The following ZPBP variants were observed in gnomAD, a reference collection of about 807,000 sequenced individuals.
ZPBP encodes the protein zona pellucida-binding protein 1.
A neutral mutation model predicts 44.8 loss-of-function variants in ZPBP; 26 were observed. The observed-to-expected ratio is 0.58, with a 90% confidence interval of 0.43 to 0.81. ZPBP has a LOEUF of 0.81. Among genes scored for constraint, ZPBP ranks in the 30% least tolerant of loss-of-function variants. ZPBP has a pLI of 0.00. For synonymous variants in ZPBP, 174 were observed against 153.2 expected (o/e 1.14, Z -1.00); for missense variants, 409 against 434.0 (o/e 0.94, Z 0.51).
At chr7:49,843,359 C>T in the ZPBP span, among the ~76,000 whole-genome samples, 6 of 152,090 alleles carry the variant, frequency 3.9e-5, no homozygotes, top group Admixed American at 6.6e-5. Flanking sequence ...ATCTCCCAAG[C>T]GAAGAGGAGA....
chr7:50,052,321 A>G (rs1361817648), intron 4 of ZPBP, among the ~76,000 whole-genome samples: 1 of 152,214 alleles, frequency 6.6e-6, no homozygotes. Context: ...AAGAGGATGT[A>G]CAGATGGCAA....
intron 1 of ZPBP, among the ~76,000 whole-genome samples, chr7:50,092,559 T>A (rs563694048): frequency 2.0e-5 from 3 of 152,368 alleles, no homozygotes; most frequent in East Asian, 3.9e-4. Context: ...TGTTTGTTCA[T>A]CAGTATCTTA....
At chr7:50,020,274 A>G (rs1799025862) in intron 5 of ZPBP, among the ~76,000 whole-genome samples, 2 of 152,110 alleles carry the variant, frequency 1.3e-5, no homozygotes, top group Admixed American at 6.6e-5. Context: ...GAATCTTTAT[A>G]CAAGTTTAAG....
At chr7:50,087,580 G>A (rs6947576) in intron 2 of ZPBP, among the ~76,000 whole-genome samples, 126,004 of 151,888 alleles carry the variant, frequency 0.83, 52,304 homozygotes, top group East Asian at 0.88. Flanking sequence ...AACTTATATC[G>A]GTTTTACACA....
At chr7:50,019,966 T>G (rs953522098) in intron 5 of ZPBP, among the ~76,000 whole-genome samples, 2 of 151,712 alleles carry the variant, frequency 1.3e-5, no homozygotes, top group Admixed American at 1.3e-4. Flanking sequence ...TTTTATCGCT[T>G]GAACCTGGAA....
At chr7:49,867,204 C>T (rs537236234) in intron 2 of ZPBP, among the ~76,000 whole-genome samples, 15 of 152,278 alleles carry the variant, frequency 9.9e-5, no homozygotes, top group Admixed American at 1.3e-4. Flanking sequence ...CTAAAGAGAT[C>T]GAAACTTTGT....
chr7:50,057,052 G>C (rs977809862), intron 4 of ZPBP, among the ~76,000 whole-genome samples: 1 of 152,036 alleles, frequency 6.6e-6, no homozygotes. Flanking sequence ...AGGCGTGGTG[G>C]CACGTGCCTG....
In ZPBP at chr7:49,863,225, C is replaced by T. The variant is rs543239640; in HGVS notation, n.510-12711G>A. 4.6e-5 allele frequency among the ~76,000 whole-genome samples: 7 copies of T among 152,162 alleles called. No homozygotes were observed. In the South Asian group the frequency reaches 1.2e-3, roughly 27 times the overall value. ...TGTTTCTAGGAATTTGTCCATTTCA[C>T]GTAGTTTATCTAATTTGTTGGAGTA... is the stretch of plus-strand genomic sequence containing the variant. On this transcript the variant is annotated intron_variant and non_coding_transcript_variant, in intron 2 of 2. Transcript: ENST00000465922.
At position 50,046,355 on chromosome 7, in the gene ZPBP, C is replaced by G. The variant is rs1043865309; in HGVS notation, c.487+11634G>C. Reference sequence around the variant, plus strand: ...CAAAATAAACTATCATCAGAGTGAACAGGCAACCTACAGAATGGGGGAAAA... The same window carrying G: ...CAAAATAAACTATCATCAGAGTGAAGAGGCAACCTACAGAATGGGGGAAAA... On this transcript the variant is annotated intron_variant, in intron 4 of 7. Coordinates refer to ENST00000046087, the MANE Select transcript of ZPBP (RefSeq NM_007009.3). Among the ~76,000 whole-genome samples the G allele has an allele frequency of 1.1e-4, 16 of 151,908 alleles. 1 individual carries two copies. Among genetic ancestry groups the G allele is most frequent in the Admixed American group, 1.0e-3 (16 of 15,250 alleles).
intron 4 of ZPBP, among the ~76,000 whole-genome samples, chr7:50,042,254 G>A (rs192751276): frequency 5.5e-4 from 84 of 152,174 alleles, no homozygotes; most frequent in Admixed American, 9.8e-4. Flanking sequence ...CACTCTACAG[G>A]GATATTATCC....
intron 2 of ZPBP, among the ~76,000 whole-genome samples, chr7:49,859,920 TATAA>T (rs1365837786): frequency 6.6e-6 from 1 of 151,940 alleles, no homozygotes; most frequent in Non-Finnish European, 1.5e-5. Context: ...TCTATCTAGA[TATAA>T]ATAAATAAAC....
intron 3 of ZPBP, among the ~76,000 whole-genome samples, chr7:50,076,227 T>C (rs1802071403): frequency 6.6e-6 from 1 of 151,860 alleles, no homozygotes; most frequent in Non-Finnish European, 1.5e-5. Context: ...CATCCCTTCA[T>C]GATAAGAACC....
intron 2 of ZPBP, among the ~76,000 whole-genome samples, chr7:49,886,282 T>C (rs937819617): frequency 2.0e-5 from 3 of 152,224 alleles, no homozygotes; most frequent in African/African-American, 4.8e-5. Flanking sequence ...TCCTTGAATA[T>C]GCAGACAATA....
chr7:50,081,762 A>G lies in ZPBP; in HGVS notation c.334+12T>C. 6.2e-7 allele frequency: 1 copy of G among 1,610,492 alleles called. No individual in the cohort carries two copies. The highest frequency in any genetic ancestry group is 2.2e-5 in the East Asian group (1 of 44,720). On this transcript the variant is annotated intron_variant, in intron 3 of 7. Coordinates refer to ENST00000046087, the MANE Select transcript of ZPBP (RefSeq NM_007009.3). ...CATTTATTTAATTACAATAATTGAA[A>G]CAAAATCCTACCTGAAACAACTTTT...
intron 2 of ZPBP, among the ~76,000 whole-genome samples, chr7:49,860,883 C>T (rs1251202909): frequency 6.6e-6 from 1 of 152,164 alleles, no homozygotes; most frequent in Non-Finnish European, 1.5e-5. Context: ...CATCTGCGAG[C>T]CAAGGGGAGA....
At chr7:49,855,080 A>G (rs1177438244) in intron 2 of ZPBP, among the ~76,000 whole-genome samples, 2 of 152,058 alleles carry the variant, frequency 1.3e-5, no homozygotes, top group African/African-American at 4.8e-5. Flanking sequence ...AAAAATAAAT[A>G]TTTTCCTTGG....
intron 2 of ZPBP, among the ~76,000 whole-genome samples, chr7:49,879,789 A>G (rs1459381129): frequency 6.6e-6 from 1 of 152,022 alleles, no homozygotes. Flanking sequence ...TTTTATTCTT[A>G]TAATTTTAGG....
Position 49,937,508 on chromosome 7 carries a change from G to A in ZPBP, c.*20C>T, listed in dbSNP as rs1388073642. On this transcript the variant is annotated 3_prime_UTR_variant, in exon 8 of 8. Transcript: ENST00000046087. ...TATACTTTGCATTTAATAAACCACT[G>A]AATAACTGAAGATAATGGCTTATAA... 3.2e-6 allele frequency: 5 copies of A among 1,561,758 alleles called. No homozygotes were observed. The highest frequency in any genetic ancestry group is 2.2e-5 in the East Asian group (1 of 44,568).
chr7:50,091,602 C>A (rs1285147999), intron 1 of ZPBP, among the ~76,000 whole-genome samples: 1 of 152,152 alleles, frequency 6.6e-6, no homozygotes, highest in Non-Finnish European at 1.5e-5. Context: ...TACACACATA[C>A]CATTTTCCTT....
Sources: allele counts gnomAD v4.1 joint callset (sites outside exome capture counted in the v4.1 genomes callset), GRCh38; gene constraint gnomAD v4.1.1; transcripts MANE v1.5; gene names NCBI Gene and HGNC (gene_info 2026-07-23, HGNC 2026-07-21).